The following SSH2 variants were observed in gnomAD, a reference collection of about 807,000 sequenced individuals.
SSH2 encodes slingshot protein phosphatase 2.
Under a neutral mutation model 135.2 loss-of-function variants are expected in SSH2, and 37 were observed. The observed-to-expected ratio is 0.27, with a 90% confidence interval of 0.21 to 0.36. The LOEUF is 0.36. Among genes scored for constraint, SSH2 ranks in the 10% least tolerant of loss-of-function variants. The probability of loss-of-function intolerance (pLI) is 1.00; values close to 1 mark genes in which losing one functional copy is unlikely to be tolerated. For synonymous variants in SSH2, 628 were observed against 646.2 expected (o/e 0.97, Z 0.43); for missense variants, 1,408 against 1,765.3 (o/e 0.80, Z 3.63).
chr17:29,661,619 A>G (rs1332370284), intron 11 of SSH2, among the ~76,000 whole-genome samples: 2 of 152,262 alleles, frequency 1.3e-5, no homozygotes, highest in Non-Finnish European at 2.9e-5. Flanking sequence ...AGAACTACAA[A>G]GGACTTCAAG....
intron 2 of SSH2, among the ~76,000 whole-genome samples, chr17:29,826,709 T>C (rs1270006030): frequency 6.6e-6 from 1 of 152,084 alleles, no homozygotes; most frequent in Non-Finnish European, 1.5e-5. Context: ...AATTAACCCT[T>C]TTTACCTCCA....
chr17:29,655,024 T>C (rs1193093029), intron 12 of SSH2, among the ~76,000 whole-genome samples: 2 of 152,234 alleles, frequency 1.3e-5, no homozygotes, highest in Non-Finnish European at 2.9e-5. Flanking sequence ...GGTTTGCACA[T>C]TTGTTCTTCA....
intron 1 of SSH2, among the ~76,000 whole-genome samples, chr17:29,877,471 C>T (rs1279280394): frequency 6.6e-6 from 1 of 152,146 alleles, no homozygotes; most frequent in Non-Finnish European, 1.5e-5. Flanking sequence ...TGGAAGCAAC[C>T]TAAGTGTCTA....
At chr17:29,782,114 G>A (rs990628454) in intron 3 of SSH2, among the ~76,000 whole-genome samples, 3 of 152,128 alleles carry the variant, frequency 2.0e-5, no homozygotes, top group South Asian at 2.1e-4. Flanking sequence ...CCAAAGTGCT[G>A]GGATTATAGG....
intron 3 of SSH2, among the ~76,000 whole-genome samples, chr17:29,726,915 T>C (rs2151179559): frequency 6.6e-6 from 1 of 152,358 alleles, no homozygotes; most frequent in South Asian, 2.1e-4. Context: ...CACTTGTGAA[T>C]CCTCAGATTT....
chr17:29,838,207 T>A (rs1485317119), intron 2 of SSH2, among the ~76,000 whole-genome samples: 1 of 152,222 alleles, frequency 6.6e-6, no homozygotes, highest in African/African-American at 2.4e-5. Context: ...CGTGTATGCA[T>A]GCTCAAGGCA....
chr17:29,907,909 C>T (rs1161530853), intron 1 of SSH2, among the ~76,000 whole-genome samples: 23 of 151,004 alleles, frequency 1.5e-4, no homozygotes. Flanking sequence ...CAGCCTTGAC[C>T]TCCTGGGCTC....
intron 3 of SSH2, among the ~76,000 whole-genome samples, chr17:29,713,828 T>C (rs1331640785): frequency 6.6e-6 from 1 of 152,134 alleles, no homozygotes; most frequent in Non-Finnish European, 1.5e-5. Context: ...GTCTCAGTCT[T>C]GCCTCCAGTC....
At chr17:29,724,762 G>C (rs2039943591) in intron 3 of SSH2, among the ~76,000 whole-genome samples, 1 of 149,826 alleles carries the variant, frequency 6.7e-6, no homozygotes, top group Admixed American at 6.6e-5. Flanking sequence ...GCTAATTTTT[G>C]GTATTTTAGT....
intron 13 of SSH2, among the ~76,000 whole-genome samples, chr17:29,649,009 T>C (rs1447093384): frequency 1.3e-5 from 2 of 151,894 alleles, no homozygotes; most frequent in Admixed American, 6.6e-5. Context: ...GGAGTGGTGG[T>C]GTGTGCCTGT....
At chr17:29,723,183 C>T (rs919815873) in intron 3 of SSH2, among the ~76,000 whole-genome samples, 41 of 152,098 alleles carry the variant, frequency 2.7e-4, no homozygotes, top group African/African-American at 9.4e-4. Context: ...GTATAAAAAT[C>T]TGGGTGAGAT....
At chr17:29,725,946 TG>T (rs2151177847) in intron 3 of SSH2, among the ~76,000 whole-genome samples, 1 of 152,250 alleles carries the variant, frequency 6.6e-6, no homozygotes, top group South Asian at 2.1e-4. Flanking sequence ...AATAGATTTG[TG>T]ACAGTGGAGG....
At chr17:29,648,717 C>T (rs1260525441) in intron 13 of SSH2, among the ~76,000 whole-genome samples, 1 of 152,226 alleles carries the variant, frequency 6.6e-6, no homozygotes, top group Admixed American at 6.5e-5. Flanking sequence ...CAGTATGGGG[C>T]TGGGTGTGGT....
At chr17:29,875,724 G>T (rs993104162) in intron 1 of SSH2, among the ~76,000 whole-genome samples, 4 of 151,936 alleles carry the variant, frequency 2.6e-5, no homozygotes, top group Non-Finnish European at 5.9e-5. Context: ...CCTCAAACAT[G>T]CCAAACTCTC....
intron 3 of SSH2, among the ~76,000 whole-genome samples, chr17:29,767,629 G>GCACACA (rs35751093): frequency 8.1e-4 from 120 of 147,600 alleles, no homozygotes; most frequent in Non-Finnish European, 1.3e-3. Context: ...GCACACACAC[G>GCACACA]CACACACACA....
chr17:29,674,242 C>T, intron 8 of SSH2: 1 of 448,614 alleles, frequency 2.2e-6, no homozygotes, highest in Non-Finnish European at 4.5e-6. Flanking sequence ...TAGGAAAACA[C>T]ATTTTTCCTT....
rs1041158192 is a variant in SSH2 at position 29,630,242 on chromosome 17, TATC to T, written c.*596_*598del. On this transcript the variant is annotated 3_prime_UTR_variant, in exon 16 of 16. Coordinates refer to ENST00000540801, the MANE Select transcript of SSH2 (RefSeq NM_001282129.2). ...ATGATAAATTTGCAGAGCCGGCCAT[TATC>T]ATGTCTTACTGTAACGATACACTCT... is the stretch of plus-strand genomic sequence containing the variant. 6.6e-6 allele frequency: 1 copy of T among 152,208 alleles called. No individual in the cohort carries two copies. The highest frequency in any genetic ancestry group is 2.4e-5 in the African/African-American group (1 of 41,442). The allele number at this position is 152,208 out of a possible 1,614,324, so 9.4% of individuals were successfully genotyped here. A position where few individuals can be genotyped will look rare whatever the true frequency, so the allele number is the denominator to read the frequency against.
At chr17:29,802,618 C>CAAAAAAAAAAAAAAAAAA (rs74267073) in intron 2 of SSH2, among the ~76,000 whole-genome samples, 4 of 57,390 alleles carry the variant, frequency 7.0e-5, no homozygotes, top group African/African-American at 1.9e-4. Flanking sequence ...ACTGTTTCTA[C>CAAAAAAAAAAAAAAAAAA]AAAAAAAAAA....
intron 10 of SSH2, 41 bp downstream of exon 10, chr17:29,667,089 A>G (rs1291540908): frequency 6.2e-7 from 1 of 1,604,232 alleles, no homozygotes; most frequent in Non-Finnish European, 8.5e-7. Flanking sequence ...CTGTTATCCC[A>G]CTGCTAGCCT....
Sources: allele counts gnomAD v4.1 joint callset (sites outside exome capture counted in the v4.1 genomes callset), GRCh38; gene constraint gnomAD v4.1.1; transcripts MANE v1.5; gene names NCBI Gene and HGNC (gene_info 2026-07-23, HGNC 2026-07-21).